The following IMPG1 variants were observed in gnomAD, a reference collection of about 807,000 sequenced individuals.
IMPG1 encodes the protein interphotoreceptor matrix proteoglycan 1.
In IMPG1, 85 loss-of-function variants were observed where a neutral mutation model predicts 92.0. The ratio of observed to expected loss-of-function variants is 0.92; its 90% CI spans 0.78 to 1.11. The LOEUF (loss-of-function observed/expected upper bound fraction) is 1.11, where lower values mean the gene tolerates loss of function less well. IMPG1 is among the 50% of genes least tolerant of loss of function. The probability of loss-of-function intolerance (pLI) is 0.00; values close to 1 mark genes in which losing one functional copy is unlikely to be tolerated. For missense variants in IMPG1, 1,022 were observed against 956.0 expected (o/e 1.07, Z -0.91); for synonymous variants, 367 against 334.1 (o/e 1.10, Z -1.08).
At chr6:76,029,696 A>G (rs1304069535) in intron 4 of IMPG1, among the ~76,000 whole-genome samples, 1 of 152,178 alleles carries the variant, frequency 6.6e-6, no homozygotes, top group East Asian at 1.9e-4. Flanking sequence ...TGATGGAATA[A>G]ATAGGGAATA....
At chr6:75,997,947 C>T (rs1394051606) in intron 12 of IMPG1, among the ~76,000 whole-genome samples, 2 of 151,990 alleles carry the variant, frequency 1.3e-5, no homozygotes, top group South Asian at 2.1e-4. Context: ...TTCAGGGAGC[C>T]GTTGGGGAAA....
chr6:76,045,899 A>G (rs2127595230), intron 1 of IMPG1, among the ~76,000 whole-genome samples: 1 of 152,294 alleles, frequency 6.6e-6, no homozygotes, highest in East Asian at 1.9e-4. Flanking sequence ...TTTAATGAGA[A>G]TGAATTGATA....
chr6:75,964,864 T>C (rs1287610664), intron 12 of IMPG1, among the ~76,000 whole-genome samples: 1 of 152,166 alleles, frequency 6.6e-6, no homozygotes, highest in East Asian at 1.9e-4. Context: ...CAGTCACCTC[T>C]ACTCTCCCAC....
chr6:75,982,411 C>T (rs1399394416), intron 12 of IMPG1, among the ~76,000 whole-genome samples: 3 of 151,800 alleles, frequency 2.0e-5, no homozygotes, highest in African/African-American at 7.3e-5. Flanking sequence ...CATGGTGGCA[C>T]ATGTCTGTAA....
In IMPG1 at chr6:76,061,794, G is replaced by A. The variant is rs145773684; in HGVS notation, c.67+10628C>T. Among the ~76,000 whole-genome samples the A allele has an allele frequency of 9.2e-5, 14 of 152,268 alleles. 1 individual carries two copies. Among genetic ancestry groups the A allele is most frequent in the African/African-American group, 2.9e-4 (12 of 41,564 alleles). On this transcript the variant is annotated intron_variant, in intron 1 of 16. Coordinates refer to ENST00000369950, the MANE Select transcript of IMPG1 (RefSeq NM_001563.4). ...GGAAAAGTAAGAACATAAAAGCAGTGATGCACATATCAGATGCAACTGGTA... is the reference window on the plus strand; with the variant it reads ...GGAAAAGTAAGAACATAAAAGCAGTAATGCACATATCAGATGCAACTGGTA...
intron 12 of IMPG1, among the ~76,000 whole-genome samples, chr6:75,997,348 T>G (rs1782919810): frequency 6.6e-6 from 1 of 152,232 alleles, no homozygotes; most frequent in African/African-American, 2.4e-5. Flanking sequence ...TAAAACTCTT[T>G]CAAGTCTTAC....
intron 12 of IMPG1, among the ~76,000 whole-genome samples, chr6:75,989,898 C>T (rs1782786221): frequency 6.6e-6 from 1 of 151,336 alleles, no homozygotes; most frequent in South Asian, 2.1e-4. Flanking sequence ...TAGCACACAC[C>T]CAAAACAGGT....
chr6:76,034,573 G>A, intron 3 of IMPG1, 48 bp downstream of exon 3: 1 of 1,590,354 alleles, frequency 6.3e-7, no homozygotes, highest in Non-Finnish European at 8.6e-7. Context: ...TGGAGCCTGG[G>A]AACTGTTCGT....
chr6:75,985,449 C>A (rs1782700373), intron 12 of IMPG1, among the ~76,000 whole-genome samples: 2 of 151,912 alleles, frequency 1.3e-5, no homozygotes, highest in African/African-American at 2.4e-5. Flanking sequence ...GATCAGAGAT[C>A]ATAACTTTAA....
chr6:76,007,302 A>T (rs931051622), intron 9 of IMPG1, among the ~76,000 whole-genome samples, 178 bp downstream of exon 9: 3 of 148,048 alleles, frequency 2.0e-5, no homozygotes, highest in Non-Finnish European at 4.5e-5. Flanking sequence ...TGATAAGAGA[A>T]TTTTTTTTTT....
intron 12 of IMPG1, among the ~76,000 whole-genome samples, chr6:75,964,820 A>G (rs1562350738): frequency 6.6e-6 from 1 of 152,164 alleles, no homozygotes; most frequent in Non-Finnish European, 1.5e-5. Flanking sequence ...GACAATTCCC[A>G]TCATCACAAG....
intron 12 of IMPG1, among the ~76,000 whole-genome samples, chr6:75,971,046 T>C (rs974753296): frequency 1.3e-5 from 2 of 151,912 alleles, no homozygotes; most frequent in African/African-American, 4.8e-5. Flanking sequence ...CTATTCACAA[T>C]AGCAAAGACT....
At chr6:76,046,360 C>T (rs893213442) in intron 1 of IMPG1, among the ~76,000 whole-genome samples, 1 of 151,974 alleles carries the variant, frequency 6.6e-6, no homozygotes, top group Non-Finnish European at 1.5e-5. Flanking sequence ...GGAAAACAAC[C>T]TTTAAGCCAA....
intron 1 of IMPG1, among the ~76,000 whole-genome samples, chr6:76,059,705 A>G (rs866507254): frequency 6.6e-6 from 1 of 152,186 alleles, no homozygotes; most frequent in African/African-American, 2.4e-5. Flanking sequence ...TCTCACCTCA[A>G]ATGATTTCAG....
chr6:75,961,482 A>T (rs1413301654), intron 12 of IMPG1, among the ~76,000 whole-genome samples: 1 of 152,224 alleles, frequency 6.6e-6, no homozygotes, highest in African/African-American at 2.4e-5. Context: ...GTGATCAAAG[A>T]TAAAATTCTG....
chr6:76,037,646 G>T (rs1783764566), intron 2 of IMPG1, among the ~76,000 whole-genome samples: 1 of 152,192 alleles, frequency 6.6e-6, no homozygotes, highest in African/African-American at 2.4e-5. Flanking sequence ...TCCAGTCTAA[G>T]CAAACCAGCT....
chr6:75,970,859 A>G (rs1782400920), intron 12 of IMPG1, among the ~76,000 whole-genome samples: 1 of 152,292 alleles, frequency 6.6e-6, no homozygotes, highest in Admixed American at 6.5e-5. Flanking sequence ...TCTTCTATCT[A>G]TTAATAACTT....
At chr6:76,034,375 A>G in intron 3 of IMPG1, 32 bp from the exon 4 acceptor site, 1 of 1,599,630 alleles carries the variant, frequency 6.3e-7, no homozygotes, top group Non-Finnish European at 8.6e-7. Flanking sequence ...ATGTAATTTT[A>G]CCAGGAGATA....
At chr6:76,060,296 G>A (rs945822763) in intron 1 of IMPG1, among the ~76,000 whole-genome samples, 1 of 152,172 alleles carries the variant, frequency 6.6e-6, no homozygotes, top group African/African-American at 2.4e-5. Context: ...CAGCATTGCT[G>A]TTCCTTAGCT....
Sources: allele counts gnomAD v4.1 joint callset (sites outside exome capture counted in the v4.1 genomes callset), GRCh38; gene constraint gnomAD v4.1.1; transcripts MANE v1.5; gene names NCBI Gene and HGNC (gene_info 2026-07-23, HGNC 2026-07-21).